YTHDC2: variants seen among roughly 807,000 people sequenced by gnomAD.
YTHDC2 encodes the protein YTH N6-methyladenosine RNA binding protein C2.
Under a neutral mutation model 174.9 loss-of-function variants are expected in YTHDC2, and 45 were observed. The ratio of observed to expected loss-of-function variants is 0.26; its 90% CI spans 0.20 to 0.33. The LOEUF is 0.33. YTHDC2 is among the 10% of genes least tolerant of loss of function. The pLI is 1.00. For missense variants in YTHDC2, 1,650 were observed against 1,723.7 expected (o/e 0.96, Z 0.76); for synonymous variants, 657 against 574.5 (o/e 1.14, Z -2.05).
intron 4 of YTHDC2, among the ~76,000 whole-genome samples, chr5:113,527,827 C>T (rs541929687): frequency 6.6e-6 from 1 of 152,194 alleles, no homozygotes; most frequent in South Asian, 2.1e-4. Context: ...CTCTGTCTGT[C>T]ACCCAGGCTG....
In YTHDC2 at chr5:113,567,113, G is replaced by A. The variant is rs777457524; in HGVS notation, c.2864G>A (p.Gly955Asp). Residue 955 changes from glycine (G) to aspartate (D), a missense_variant, in exon 22 of 30, where the codon GGT (glycine) becomes GAT (aspartate). By Grantham distance (94) the Gly-to-Asp change is moderately conservative. Transcript: ENST00000161863. ...RASGFVRARG[G>D]GDIRDVNTNS... ...CTAGGTTTTGTTAGAGCACGAGGTG[G>A]TGGTGACATTCGGGACGTTAACACA... is the stretch of plus-strand genomic sequence containing the variant. 1.9e-6 allele frequency: 3 copies of A among 1,613,616 alleles called. No individual in the cohort carries two copies. The highest frequency in any genetic ancestry group is 2.5e-6 in the Non-Finnish European group (3 of 1,179,838).
At chr5:113,531,545 C>G (rs566441847) in intron 4 of YTHDC2, among the ~76,000 whole-genome samples, 15 of 151,978 alleles carry the variant, frequency 9.9e-5, no homozygotes, top group Admixed American at 1.3e-4. Context: ...TCTGTGTCTA[C>G]GAGCTCAGCT....
At position 113,513,913 on chromosome 5, in the gene YTHDC2, C is replaced by T; in HGVS notation, c.18C>T (p.Ser6=). ...TCAGGGCAATGTCCAGGCCGAGCAG[C>T]GTCTCCCCGCGGCAGCCGGCTCCTG... The part of the protein sequence containing the change: MSRPS[S]VSPRQPAPGG... Residue 6 remains serine, a synonymous_variant, in exon 1 of 30, where the codon AGC becomes AGT. Coordinates refer to ENST00000161863, the MANE Select transcript of YTHDC2 (RefSeq NM_022828.5). 6.2e-7 allele frequency: 1 copy of T among 1,605,030 alleles called. No homozygotes were observed. Among genetic ancestry groups the T allele is most frequent in the Non-Finnish European group, 8.5e-7 (1 of 1,176,504 alleles).
rs759555925 is a variant in YTHDC2 at position 113,561,141 on chromosome 5, A to T, written c.2278A>T (p.Met760Leu). 1.2e-6 allele frequency: 2 copies of T among 1,613,158 alleles called. No individual in the cohort carries two copies. Among genetic ancestry groups the T allele is most frequent in the Non-Finnish European group, 1.7e-6 (2 of 1,179,524 alleles). The change falls in exon 18 of 30, where the codon ATG (methionine) becomes TTG (leucine). Residue 760 changes from methionine (M) to leucine (L), a missense_variant. Coordinates refer to ENST00000161863, the MANE Select transcript of YTHDC2 (RefSeq NM_022828.5). Reference sequence around the variant, plus strand: ...GTTCAGTAGACTCCGATTCCAGAATATGTTGGAATTTCAGACTCCGGAACT... The same window carrying T: ...GTTCAGTAGACTCCGATTCCAGAATTTGTTGGAATTTCAGACTCCGGAACT... ...RLFSRLRFQNMLEFQTPELLR... is the reference protein window; with the variant it reads ...RLFSRLRFQNLLEFQTPELLR...
intron 23 of YTHDC2, among the ~76,000 whole-genome samples, chr5:113,579,054 A>G (rs1778237050): frequency 6.6e-6 from 1 of 151,958 alleles, no homozygotes; most frequent in Non-Finnish European, 1.5e-5. Context: ...AGGGTTATCT[A>G]TTAATATTTT....
intron 10 of YTHDC2, among the ~76,000 whole-genome samples, chr5:113,546,579 A>T (rs551388417): frequency 1.7e-4 from 26 of 152,348 alleles, no homozygotes; most frequent in African/African-American, 5.8e-4. Flanking sequence ...GAAGCAGCTA[A>T]TAATCAGTTA....
chr5:113,567,426 AT>A (rs1408822723), intron 22 of YTHDC2, 129 bp downstream of exon 22: 6 of 375,584 alleles, frequency 1.6e-5, no homozygotes, highest in Admixed American at 5.6e-5. Context: ...ATATATATAT[AT>A]CATTAAATAT....
In YTHDC2 at chr5:113,584,442, G is replaced by C. The variant is rs747868892; in HGVS notation, c.3788G>C (p.Ser1263Thr). ...TCTACAGACAGCAGTAGTTACCCAA[G>C]TCCTTGTGCTAGTCCTTCTCCTCCA... ...LKSTDSSSYP[S>T]PCASPSPPSS... is the part of the protein sequence containing the mutation. The change falls in exon 26 of 30, where the codon AGT (serine) becomes ACT (threonine). Residue 1263 changes from serine (S) to threonine (T), a missense_variant. By Grantham distance (58) the Ser-to-Thr change is moderately conservative. This residue lies in a region of YTHDC2 where 913 missense variants were observed against 940.4 expected (regional missense o/e 0.97). Transcript: ENST00000161863. 6.2e-7 allele frequency: 1 copy of C among 1,613,460 alleles called. No individual in the cohort carries two copies. Among genetic ancestry groups the C allele is most frequent in the Non-Finnish European group, 8.5e-7 (1 of 1,179,646 alleles).
intron 18 of YTHDC2, among the ~76,000 whole-genome samples, chr5:113,561,957 G>GGTGGGTGTGTGTGTGT (rs1347716150): frequency 1.5e-5 from 2 of 134,870 alleles, no homozygotes; most frequent in African/African-American, 2.9e-5. Flanking sequence ...ATTAATTGTG[G>GGTGGGTGTGTGTGTGT]GTGTGTGTGT....
At chr5:113,542,644 A>G (rs1775568014) in intron 10 of YTHDC2, 141 bp downstream of exon 10, 1 of 680,926 alleles carries the variant, frequency 1.5e-6, no homozygotes, top group Non-Finnish European at 2.3e-6. Flanking sequence ...TTTCAAATGT[A>G]CAAATCAGGA....
chr5:113,554,064 T>A, intron 16 of YTHDC2, 42 bp downstream of exon 16: 1 of 1,407,900 alleles, frequency 7.1e-7, no homozygotes, highest in Non-Finnish European at 9.5e-7. Context: ...ATGAAGAAGA[T>A]TAAGTTCTAC....
intron 20 of YTHDC2, 77 bp from the exon 21 acceptor site, chr5:113,565,816 G>A: frequency 6.8e-7 from 1 of 1,466,996 alleles, no homozygotes; most frequent in Non-Finnish European, 9.1e-7. Context: ...TTCGTGTAGT[G>A]ATTTGTAGTT....
chr5:113,524,919 A>G (rs578005326), intron 2 of YTHDC2, 62 bp from the exon 3 acceptor site: 135 of 1,214,864 alleles, frequency 1.1e-4, no homozygotes, highest in East Asian at 8.9e-4. Flanking sequence ...CTAAGTGGGC[A>G]TACATCATAT....
intron 2 of YTHDC2, among the ~76,000 whole-genome samples, chr5:113,520,682 G>A (rs1195969121): frequency 1.3e-5 from 2 of 152,140 alleles, no homozygotes; most frequent in East Asian, 3.9e-4. Context: ...TGAGCAACAA[G>A]GACCAATGGT....
intron 28 of YTHDC2, chr5:113,593,094 A>T (rs1385940156): frequency 8.2e-6 from 3 of 366,652 alleles, no homozygotes; most frequent in Non-Finnish European, 1.5e-5. Context: ...GAGATTTTGC[A>T]GATTAACTGT....
chr5:113,593,311 A>T lies in YTHDC2; in HGVS notation c.4221A>T (p.Glu1407Asp). 1 of 1,612,270 alleles carries T rather than the reference A, an allele frequency of 6.2e-7. No homozygotes were observed. The highest frequency in any genetic ancestry group is 8.5e-7 in the Non-Finnish European group (1 of 1,178,846). ...ACTTCTGATTTATCTAGGAACTAGAACCTCTGGTTGGTGAACAGTTGCTCC... is the reference window on the plus strand; with the variant it reads ...ACTTCTGATTTATCTAGGAACTAGATCCTCTGGTTGGTGAACAGTTGCTCC... The part of the protein sequence containing the change: ...VQISRDGQEL[E>D]PLVGEQLLQL... The change falls in exon 29 of 30, where the codon GAA becomes GAT. Residue 1407 changes from glutamate (E) to aspartate (D), a missense_variant. Glu to Asp is a conservative substitution (Grantham distance 45, BLOSUM62 2). Transcript: ENST00000161863.
chr5:113,527,196 A>G (rs1377558428), intron 4 of YTHDC2, among the ~76,000 whole-genome samples: 1 of 152,154 alleles, frequency 6.6e-6, no homozygotes, highest in Non-Finnish European at 1.5e-5. Context: ...AATCATTGCT[A>G]CCTTTCACAG....
At chr5:113,522,295 T>C (rs1773928539) in intron 2 of YTHDC2, among the ~76,000 whole-genome samples, 1 of 152,154 alleles carries the variant, frequency 6.6e-6, no homozygotes, top group African/African-American at 2.4e-5. Context: ...CATATGTTTG[T>C]ATTTGATTTA....
intron 23 of YTHDC2, among the ~76,000 whole-genome samples, chr5:113,579,375 TGAGAC>T (rs1200347804): frequency 2.0e-5 from 3 of 152,158 alleles, no homozygotes; most frequent in Non-Finnish European, 4.4e-5. Flanking sequence ...TGCATTGTGA[TGAGAC>T]ATTATAGTCT....
Sources: gnomAD v4.1 joint callset for allele counts (sites outside exome capture counted in the v4.1 genomes callset) on GRCh38, gnomAD v4.1.1 for gene constraint, gnomAD v4.1.1 regional missense constraint, MANE v1.5 for transcripts, NCBI Gene and HGNC (gene_info 2026-07-23, HGNC 2026-07-21) for gene names.